BABAM2: variants seen among roughly 807,000 people sequenced by gnomAD.
BABAM2 encodes BRISC and BRCA1-A complex member 2.
A neutral mutation model predicts 54.7 loss-of-function variants in BABAM2; 31 were observed. The observed-to-expected ratio is 0.57, with a 90% confidence interval of 0.43 to 0.77. BABAM2 has a LOEUF of 0.77. Ranked by LOEUF, BABAM2 falls within the 30% of genes least tolerant of loss-of-function variation. The pLI is 0.00. For synonymous variants in BABAM2, 167 were observed against 162.9 expected, an observed-to-expected ratio of 1.03 and a Z score of -0.19; for missense variants, 364 against 455.8, an observed-to-expected ratio of 0.80 and a Z score of 1.83.
chr2:28,139,442 G>A (rs1395216762), intron 7 of BABAM2, among the ~76,000 whole-genome samples: 6 of 151,496 alleles, frequency 4.0e-5, no homozygotes, highest in East Asian at 1.9e-4. Flanking sequence ...GGTGGCATGC[G>A]CTTCTAGTCC....
At chr2:28,023,589 CT>C (rs1675430786) in intron 4 of BABAM2, among the ~76,000 whole-genome samples, 1 of 152,164 alleles carries the variant, frequency 6.6e-6, no homozygotes, top group African/African-American at 2.4e-5. Context: ...CAAGATACCC[CT>C]CTTATTCACT....
intron 4 of BABAM2, among the ~76,000 whole-genome samples, chr2:27,990,753 T>A (rs140639733): frequency 1.2e-3 from 175 of 152,076 alleles, no homozygotes; most frequent in African/African-American, 4.2e-3. Flanking sequence ...GAGAAAAAAA[T>A]GACTCTTCAA....
At chr2:28,115,182 AACACACACACAC>A (rs35506654) in intron 6 of BABAM2, among the ~76,000 whole-genome samples, 11,838 of 142,286 alleles carry the variant, frequency 0.083, 591 homozygotes, top group Middle Eastern at 0.17. Context: ...ATAACTTTAA[AACACACACACAC>A]ACACACACAC....
chr2:28,081,923 T>C (rs1320744150), intron 6 of BABAM2, among the ~76,000 whole-genome samples: 1 of 152,250 alleles, frequency 6.6e-6, no homozygotes, highest in Non-Finnish European at 1.5e-5. Context: ...AAAACAATTA[T>C]CTACTATGCA....
At chr2:28,019,920 G>A (rs1675129656) in intron 4 of BABAM2, among the ~76,000 whole-genome samples, 1 of 152,106 alleles carries the variant, frequency 6.6e-6, no homozygotes, top group African/African-American at 2.4e-5. Flanking sequence ...TTTGAAGTCG[G>A]GTAATGTGAT....
At chr2:28,300,878 A>G (rs10200382) in intron 11 of BABAM2, among the ~76,000 whole-genome samples, 2,364 of 152,352 alleles carry the variant, frequency 0.016, 64 homozygotes, top group African/African-American at 0.053. Context: ...AGATGGATCC[A>G]TTTTAAATGT....
intron 9 of BABAM2, among the ~76,000 whole-genome samples, chr2:28,243,299 C>T (rs576082826): frequency 7.4e-4 from 113 of 152,010 alleles, no homozygotes; most frequent in Non-Finnish European, 1.4e-3. Flanking sequence ...TTTGGGAGGC[C>T]GAGGCGGGCG....
At chr2:28,318,963 C>T (rs1277222100) in intron 11 of BABAM2, among the ~76,000 whole-genome samples, 1 of 152,206 alleles carries the variant, frequency 6.6e-6, no homozygotes, top group Non-Finnish European at 1.5e-5. Context: ...TCTGTGTTTG[C>T]CTTCCTTTCT....
intron 3 of BABAM2, among the ~76,000 whole-genome samples, chr2:27,963,778 C>A (rs1670648982): frequency 6.6e-6 from 1 of 152,224 alleles, no homozygotes; most frequent in Admixed American, 6.5e-5. Flanking sequence ...TGGAAAATCT[C>A]AGATGAAATA....
intron 11 of BABAM2, among the ~76,000 whole-genome samples, chr2:28,317,781 A>G (rs1367012905): frequency 6.6e-6 from 1 of 152,206 alleles, no homozygotes; most frequent in African/African-American, 2.4e-5. Context: ...TTGTTCACAG[A>G]CAAGTGCCAG....
intron 6 of BABAM2, among the ~76,000 whole-genome samples, chr2:28,066,040 T>A (rs1024072914): frequency 4.7e-5 from 7 of 149,798 alleles, no homozygotes; most frequent in Non-Finnish European, 1.0e-4. Flanking sequence ...ATGCCTGTAG[T>A]CCCAGCTACT....
intron 4 of BABAM2, among the ~76,000 whole-genome samples, chr2:27,992,967 C>T (rs1672884210): frequency 6.6e-6 from 1 of 152,146 alleles, no homozygotes; most frequent in African/African-American, 2.4e-5. Context: ...CCCTGACATC[C>T]CTATGCAAAA....
intron 7 of BABAM2, among the ~76,000 whole-genome samples, chr2:28,135,680 A>G (rs759993173): frequency 1.1e-4 from 16 of 152,138 alleles, no homozygotes; most frequent in Non-Finnish European, 2.1e-4. Flanking sequence ...GCCTGTTTTT[A>G]TTCATGACAC....
intron 6 of BABAM2, among the ~76,000 whole-genome samples, chr2:28,112,151 C>CTT (rs1261759583): frequency 0.35 from 6,738 of 19,526 alleles, 2,645 homozygotes; most frequent in East Asian, 0.71. Flanking sequence ...CTTTCTTTAC[C>CTT]TCCCTCCCTC....
At chr2:27,895,815 C>T (rs1437058406) in intron 2 of BABAM2, among the ~76,000 whole-genome samples, 1 of 152,092 alleles carries the variant, frequency 6.6e-6, no homozygotes, top group Non-Finnish European at 1.5e-5. Flanking sequence ...TTGAATTCTA[C>T]TGTAAAGAAA....
At chr2:28,061,774 C>CTT (rs1322782349) in intron 6 of BABAM2, among the ~76,000 whole-genome samples, 2 of 148,314 alleles carry the variant, frequency 1.3e-5, no homozygotes, top group Non-Finnish European at 3.0e-5. Context: ...ATTTCAATAA[C>CTT]TTTTTTTTTT....
chr2:28,017,984 T>G (rs902702379), intron 4 of BABAM2, among the ~76,000 whole-genome samples: 1 of 152,244 alleles, frequency 6.6e-6, no homozygotes, highest in Admixed American at 6.5e-5. Flanking sequence ...TACAGGTTTT[T>G]AAAAATTTTT....
chr2:28,109,832 A>G (rs1319393337), intron 6 of BABAM2, among the ~76,000 whole-genome samples: 3 of 152,158 alleles, frequency 2.0e-5, no homozygotes, highest in East Asian at 1.9e-4. Flanking sequence ...GGAATATGCC[A>G]TAGGTGCTTA....
intron 11 of BABAM2, among the ~76,000 whole-genome samples, chr2:28,301,880 A>T (rs1688133501): frequency 6.6e-6 from 1 of 152,228 alleles, no homozygotes; most frequent in Non-Finnish European, 1.5e-5. Flanking sequence ...TTAAAATTAC[A>T]GTATAATTTA....
Sources: allele counts gnomAD v4.1 joint callset (sites outside exome capture counted in the v4.1 genomes callset), GRCh38; gene constraint gnomAD v4.1.1; transcripts MANE v1.5; gene names NCBI Gene and HGNC (gene_info 2026-07-23, HGNC 2026-07-21).